Variants in DUSP5 observed in about 807,000 individuals in gnomAD.
DUSP5 encodes dual specificity phosphatase 5, also known as dual specificity protein phosphatase 5.
In DUSP5, 22 loss-of-function variants were observed where a neutral mutation model predicts 33.6. The ratio of observed to expected loss-of-function variants is 0.66; its 90% CI spans 0.47 to 0.94. DUSP5 has a LOEUF of 0.94. DUSP5 is among the 40% of genes least tolerant of loss of function. The pLI, the probability that DUSP5 is intolerant of heterozygous loss-of-function variation, is 0.00. For synonymous variants in DUSP5, 270 were observed against 231.1 expected (o/e 1.17, Z -1.53); for missense variants, 551 against 522.1 (o/e 1.06, Z -0.54).
At chr10:110,499,576 T>G (rs1025292586) in intron 1 of DUSP5, among the ~76,000 whole-genome samples, 1 of 152,204 alleles carries the variant, frequency 6.6e-6, no homozygotes, top group Non-Finnish European at 1.5e-5. Flanking sequence ...TTTAAAGCCA[T>G]GCAACTTGAG....
intron 1 of DUSP5, among the ~76,000 whole-genome samples, chr10:110,502,253 C>T (rs1860061411): frequency 6.6e-6 from 1 of 152,140 alleles, no homozygotes; most frequent in South Asian, 2.1e-4. Flanking sequence ...GCCCCCATTT[C>T]CTTATAAATG....
In DUSP5 at chr10:110,498,305, G is replaced by A. The variant is rs1213797990; in HGVS notation, c.184G>A (p.Ala62Thr). The A allele has an allele frequency of 7.0e-7, 1 of 1,437,230 alleles. No individual in the cohort carries two copies. Among genetic ancestry groups the A allele is most frequent in the South Asian group, 1.5e-5 (1 of 68,488 alleles). 89.0% of individuals were successfully genotyped at this position (1,437,230 alleles called of 1,614,324 possible). The change falls in exon 1 of 4, where the codon GCG becomes ACG. Residue 62 changes from alanine to threonine, a missense_variant. Physicochemically the swap from Ala to Thr is moderately conservative, Grantham distance 58. Transcript: ENST00000369583. ...GCGGGCCCGGGGCGGCGCGGTGTCGGCGCGCTACGTGCTGCCCGACGAGGC... is the reference window on the plus strand; with the variant it reads ...GCGGGCCCGGGGCGGCGCGGTGTCGACGCGCTACGTGCTGCCCGACGAGGC... ...LRRARGGAVS[A>T]RYVLPDEAAR...
At position 110,510,872 on chromosome 10, in the gene DUSP5, C is replaced by T. The variant is rs1375455572; in HGVS notation, c.*446C>T. The T allele has an allele frequency of 1.2e-5, 2 of 161,124 alleles. No individual in the cohort carries two copies. The highest frequency in any genetic ancestry group is 1.4e-5 in the Non-Finnish European group (1 of 73,652). 10.0% of individuals were successfully genotyped at this position (161,124 alleles called of 1,614,324 possible). ...ACTTTGGCAGTTTCAATGTCTGTCT[C>T]TGTTGCTTCGGGGCATAAGCTGATC... On this transcript the variant is annotated 3_prime_UTR_variant, in exon 4 of 4. Coordinates refer to ENST00000369583, the MANE Select transcript of DUSP5 (RefSeq NM_004419.4).
intron 2 of DUSP5, among the ~76,000 whole-genome samples, chr10:110,504,543 C>T (rs187287999): frequency 1.6e-3 from 238 of 152,300 alleles, no homozygotes; most frequent in African/African-American, 4.3e-3. Flanking sequence ...CCTTAAAGGG[C>T]GAGCCTGTTA....
chr10:110,501,853 A>G (rs1441584345), intron 1 of DUSP5, among the ~76,000 whole-genome samples: 4 of 151,840 alleles, frequency 2.6e-5, no homozygotes, highest in Admixed American at 6.6e-5. Flanking sequence ...TATATTTGCA[A>G]GTTTCCGTGA....
At position 110,500,213 on chromosome 10, in the gene DUSP5, T is replaced by C. The variant is rs182144196; in HGVS notation, c.379+1713T>C. The stretch of plus-strand genomic sequence containing the variant: ...CTGCCTCTTGTATCTATCTAGATCT[T>C]GGAGACTTGTCCATATCTGATCATA... On this transcript the variant is annotated intron_variant, in intron 1 of 3. Coordinates refer to ENST00000369583, the MANE Select transcript of DUSP5 (RefSeq NM_004419.4). Among the ~76,000 whole-genome samples, 340 of 152,372 alleles carry C rather than the reference T, an allele frequency of 2.2e-3. 1 individual carries two copies. The highest frequency in any genetic ancestry group is 7.7e-3 in the African/African-American group (320 of 41,592).
chr10:110,500,315 G>A (rs909570097), intron 1 of DUSP5, among the ~76,000 whole-genome samples: 1 of 152,164 alleles, frequency 6.6e-6, no homozygotes, highest in Admixed American at 6.5e-5. Flanking sequence ...CAAGCAATGC[G>A]GTAGATGTCC....
chr10:110,498,714 G>C (rs553709672), intron 1 of DUSP5, among the ~76,000 whole-genome samples: 13 of 152,374 alleles, frequency 8.5e-5, no homozygotes, highest in Admixed American at 8.5e-4. Context: ...GCGCCCGGCA[G>C]CGGGTCTGCC....
intron 1 of DUSP5, among the ~76,000 whole-genome samples, chr10:110,500,570 T>G (rs1255799183): frequency 2.0e-5 from 3 of 152,202 alleles, no homozygotes; most frequent in Non-Finnish European, 2.9e-5. Context: ...TTTGACACTT[T>G]CCATAATCCC....
intron 3 of DUSP5, among the ~76,000 whole-genome samples, chr10:110,507,464 A>G (rs1313642918): frequency 6.6e-6 from 1 of 152,216 alleles, no homozygotes; most frequent in African/African-American, 2.4e-5. Context: ...AATGCTCCAC[A>G]CAAGGAAAGC....
At chr10:110,501,964 T>A (rs80164029) in intron 1 of DUSP5, among the ~76,000 whole-genome samples, 1 of 130,458 alleles carries the variant, frequency 7.7e-6, no homozygotes, top group Admixed American at 7.8e-5. Context: ...GACTTATTGA[T>A]TGGGGGGGGG....
intron 1 of DUSP5, among the ~76,000 whole-genome samples, chr10:110,499,627 C>A (rs1375972751): frequency 6.6e-6 from 1 of 152,138 alleles, no homozygotes; most frequent in African/African-American, 2.4e-5. Flanking sequence ...GAGACAGTTC[C>A]CCTCTCTGCT....
chr10:110,510,294 T>G lies in DUSP5; in HGVS notation c.1023T>G (p.His341Gln), dbSNP rs1007584469. 2 of 1,614,174 alleles carry G rather than the reference T, an allele frequency of 1.2e-6. No homozygotes were observed. Among genetic ancestry groups the G allele is most frequent in the Non-Finnish European group, 8.5e-7 (1 of 1,180,028 alleles). Residue 341 changes from histidine (H) to glutamine (Q), a missense_variant, in exon 4 of 4, where the codon CAT becomes CAG. Coordinates refer to ENST00000369583, the MANE Select transcript of DUSP5 (RefSeq NM_004419.4). The part of the protein sequence containing the change: ...GEAAGSSLIG[H>Q]LQTLSPDMQG... ...CAGCAGGCTCTTCACTGATAGGCCA[T>G]TTGCAGACACTGAGCCCTGACATGC...
Position 110,499,368 on chromosome 10 carries a change from A to G in DUSP5, c.379+868A>G, listed in dbSNP as rs531254108. On this transcript the variant is annotated intron_variant, in intron 1 of 3. Coordinates refer to ENST00000369583, the MANE Select transcript of DUSP5 (RefSeq NM_004419.4). ...ATTGGTTTTTTCTGGGTTACTTCCTATGACTGCTCCTGCTTTGTGTTTGAG... is the reference window on the plus strand; with the variant it reads ...ATTGGTTTTTTCTGGGTTACTTCCTGTGACTGCTCCTGCTTTGTGTTTGAG... Among the ~76,000 whole-genome samples, 9 of 152,264 alleles carry G rather than the reference A, an allele frequency of 5.9e-5. No homozygotes were observed. In the South Asian group the frequency reaches 6.2e-4, roughly 11 times the overall value.
At position 110,507,047 on chromosome 10, in the gene DUSP5, G is replaced by A. The variant is rs781499980; in HGVS notation, c.641G>A (p.Arg214Gln). ...ACAGCCCTGCTGAATGTCTCCCGACGGACCTCCGAGGCCTGCGCGACCCAC... is the reference window on the plus strand; with the variant it reads ...ACAGCCCTGCTGAATGTCTCCCGACAGACCTCCGAGGCCTGCGCGACCCAC... ...HITALLNVSR[R>Q]TSEACATHLH... is the part of the protein sequence containing the mutation. The change falls in exon 3 of 4, where the codon CGG (arginine) becomes CAG (glutamine). Residue 214 changes from arginine to glutamine, a missense_variant. Physicochemically the swap from Arg to Gln is conservative, Grantham distance 43. Coordinates refer to ENST00000369583, the MANE Select transcript of DUSP5 (RefSeq NM_004419.4). 8.4e-5 allele frequency: 135 copies of A among 1,614,072 alleles called. No homozygotes were observed. Among genetic ancestry groups the A allele is most frequent in the Non-Finnish European group, 1.1e-4 (129 of 1,180,058 alleles).
At chr10:110,501,305 C>T (rs1319861707) in intron 1 of DUSP5, among the ~76,000 whole-genome samples, 1 of 152,236 alleles carries the variant, frequency 6.6e-6, no homozygotes, top group Middle Eastern at 3.4e-3. Flanking sequence ...CTCCCGTTGT[C>T]GTGGGGAGCA....
chr10:110,507,499 GCTT>G (rs1412380279), intron 3 of DUSP5, among the ~76,000 whole-genome samples: 2 of 152,234 alleles, frequency 1.3e-5, no homozygotes, highest in East Asian at 3.8e-4. Context: ...CCCTAACTGT[GCTT>G]CTACGTAGGT....
chr10:110,498,497 A>G lies in DUSP5; in HGVS notation c.376A>G (p.Lys126Glu). 4 of 1,524,984 alleles carry G rather than the reference A, an allele frequency of 2.6e-6. No homozygotes were observed. Among genetic ancestry groups the G allele is most frequent in the East Asian group, 2.6e-5 (1 of 37,860 alleles). 94.5% of individuals were successfully genotyped at this position (1,524,984 alleles called of 1,614,324 possible). Reference sequence around the variant, plus strand: ...CGCCGGCCCGCGGGTCTACTTCCTCAAAGGTGAGCGCTCGGGGTCCCTGCC... The same window carrying G: ...CGCCGGCCCGCGGGTCTACTTCCTCGAAGGTGAGCGCTCGGGGTCCCTGCC... ...LPAGPRVYFL[K>E]GGYETFYSEY... Residue 126 changes from lysine to glutamate, a missense_variant, in exon 1 of 4, where the codon AAA (lysine) becomes GAA (glutamate). Around this residue, in one of 3 missense-constraint regions of DUSP5, gnomAD observed 381 missense variants for 310.4 expected, o/e 1.23. Transcript: ENST00000369583.
chr10:110,509,029 C>T (rs1044451940), intron 3 of DUSP5, among the ~76,000 whole-genome samples: 2 of 152,152 alleles, frequency 1.3e-5, no homozygotes, highest in Non-Finnish European at 2.9e-5. Flanking sequence ...AATGTTTTTG[C>T]GTATTGTAGC....
Sources: allele counts gnomAD v4.1 joint callset (sites outside exome capture counted in the v4.1 genomes callset), GRCh38; gene constraint gnomAD v4.1.1; regional missense constraint gnomAD v4.1.1; transcripts MANE v1.5; gene names NCBI Gene and HGNC (gene_info 2026-07-23, HGNC 2026-07-21).